FAM163A: variants seen among roughly 807,000 people sequenced by gnomAD.
FAM163A encodes the protein family with sequence similarity 163 member A.
Under a neutral mutation model 12.0 loss-of-function variants are expected in FAM163A, and 7 were observed. That is an observed-to-expected ratio of 0.58 (90% confidence interval 0.33 to 1.10). FAM163A has a LOEUF of 1.10. Ranked by LOEUF, FAM163A falls within the 50% of genes least tolerant of loss-of-function variation. The probability of loss-of-function intolerance (pLI) is 0.03; values close to 1 mark genes in which losing one functional copy is unlikely to be tolerated. For missense variants in FAM163A, 202 were observed against 218.6 expected, an observed-to-expected ratio of 0.92 and a Z score of 0.48; for synonymous variants, 101 against 91.0, an observed-to-expected ratio of 1.11 and a Z score of -0.62.
chr1:179,776,441 A>C (rs1390456843), intron 1 of FAM163A, among the ~76,000 whole-genome samples: 1 of 151,194 alleles, frequency 6.6e-6, no homozygotes, highest in Non-Finnish European at 1.5e-5. Context: ...CAGTGAGCCG[A>C]GATCACACCA....
At position 179,813,781 on chromosome 1, in the gene FAM163A, T is replaced by G; in HGVS notation, c.96T>G (p.Tyr32Ter). Residue 32 changes from tyrosine to a stop codon, truncating the protein, a stop_gained and splice_region_variant, in exon 5 of 5, where the codon TAT (tyrosine) becomes TAG (stop). Coordinates refer to ENST00000341785, the MANE Select transcript of FAM163A (RefSeq NM_173509.3). LOFTEE classifies it high-confidence loss of function. ...IAVLCYCRLQYYCCKKSGTEV... is the reference protein window; with the variant it reads ...IAVLCYCRLQ ...CATCCCTCTGCCCTTCCGCACAGTA[T>G]TACTGCTGCAAGAAGAGCGGAACCG... The G allele has an allele frequency of 6.2e-7, 1 of 1,613,818 alleles. No homozygotes were observed. Among genetic ancestry groups the G allele is most frequent in the South Asian group, 1.1e-5 (1 of 91,084 alleles).
the FAM163A span, among the ~76,000 whole-genome samples, chr1:179,733,449 G>A: frequency 6.6e-6 from 1 of 152,082 alleles, no homozygotes; most frequent in Non-Finnish European, 1.5e-5. Context: ...ACTTGTATTA[G>A]GGAGACCAGG....
Position 179,743,327 on chromosome 1 carries a change from G to A in FAM163A, c.-232G>A, listed in dbSNP as rs1683904304. ...CGCCGGGGAGGCCGCGGAGCCTCACGTGTGCCGCCCCAGCCGCTGGCGCCC... is the reference window on the plus strand; with the variant it reads ...CGCCGGGGAGGCCGCGGAGCCTCACATGTGCCGCCCCAGCCGCTGGCGCCC... On this transcript the variant is annotated 5_prime_UTR_variant, in exon 1 of 5. In the 5' UTR this introduces an upstream ATG that the reference lacks. Transcript: ENST00000341785. The A allele has an allele frequency of 6.6e-6, 1 of 152,280 alleles. No individual in the cohort carries two copies. The allele number at this position is 152,280 out of a possible 1,614,324, so 9.4% of individuals were successfully genotyped here. A position where few individuals can be genotyped will look rare whatever the true frequency, so the allele number is the denominator to read the frequency against.
At chr1:179,733,675 T>C in the FAM163A span, among the ~76,000 whole-genome samples, 1 of 152,194 alleles carries the variant, frequency 6.6e-6, no homozygotes, top group Admixed American at 6.5e-5. Flanking sequence ...TCTGTGCTCC[T>C]GTATCCACAC....
intron 1 of FAM163A, among the ~76,000 whole-genome samples, chr1:179,743,873 G>T (rs1684028692): frequency 1.3e-5 from 2 of 152,248 alleles, no homozygotes; most frequent in East Asian, 3.9e-4. Flanking sequence ...GGACGCCGCT[G>T]CTGCTGCTGC....
At chr1:179,731,874 C>A in the FAM163A span, among the ~76,000 whole-genome samples, 1 of 152,152 alleles carries the variant, frequency 6.6e-6, no homozygotes. Flanking sequence ...TCCTTGAAAG[C>A]AAAGTGAGAC....
At chr1:179,777,951 G>A (rs987921296) in intron 1 of FAM163A, among the ~76,000 whole-genome samples, 3 of 152,118 alleles carry the variant, frequency 2.0e-5, no homozygotes, top group African/African-American at 7.2e-5. Context: ...TCCTCCCTGC[G>A]ATCTTCATTC....
chr1:179,788,065 T>C (rs1039973773), intron 1 of FAM163A, among the ~76,000 whole-genome samples: 1 of 152,198 alleles, frequency 6.6e-6, no homozygotes. Flanking sequence ...ATATGAGTGA[T>C]GTGTTTTTCA....
intron 1 of FAM163A, among the ~76,000 whole-genome samples, chr1:179,781,892 C>T (rs903356858): frequency 4.1e-5 from 6 of 147,542 alleles, no homozygotes; most frequent in African/African-American, 1.3e-4. Flanking sequence ...CAAGATCGTG[C>T]TGCTGCACTC....
At chr1:179,799,211 G>A (rs919719534) in intron 1 of FAM163A, among the ~76,000 whole-genome samples, 10 of 152,130 alleles carry the variant, frequency 6.6e-5, no homozygotes, top group East Asian at 3.8e-4. Context: ...GCACTGAGCT[G>A]CAGGCCTGCT....
chr1:179,739,348 G>T (rs772968120), upstream of FAM163A, among the ~76,000 whole-genome samples: 31 of 152,190 alleles, frequency 2.0e-4, no homozygotes, highest in Non-Finnish European at 4.0e-4. Context: ...TCTCTACAAA[G>T]TGCATGTAAA....
chr1:179,810,415 C>A (rs1694549849), intron 2 of FAM163A, among the ~76,000 whole-genome samples: 1 of 152,228 alleles, frequency 6.6e-6, no homozygotes, highest in Non-Finnish European at 1.5e-5. Context: ...CAAGAGAGTT[C>A]ATCTGGATTC....
At chr1:179,806,554 G>A (rs1227478397) in intron 1 of FAM163A, among the ~76,000 whole-genome samples, 2 of 152,252 alleles carry the variant, frequency 1.3e-5, no homozygotes, top group African/African-American at 4.8e-5. Flanking sequence ...TCATGCTAAT[G>A]TCTGTCCTTT....
chr1:179,805,587 C>T (rs945253754), intron 1 of FAM163A, among the ~76,000 whole-genome samples: 1 of 151,740 alleles, frequency 6.6e-6, no homozygotes, highest in Non-Finnish European at 1.5e-5. Flanking sequence ...AGTAATGAAA[C>T]GCTCTTACTC....
intron 1 of FAM163A, among the ~76,000 whole-genome samples, chr1:179,780,842 TA>T (rs1469294693): frequency 6.6e-6 from 1 of 152,240 alleles, no homozygotes; most frequent in African/African-American, 2.4e-5. Context: ...TTACATCAGC[TA>T]GACCAGAGCT....
intron 3 of FAM163A, 83 bp from the exon 4 acceptor site, chr1:179,812,993 G>A (rs1286983789): frequency 1.5e-6 from 2 of 1,322,796 alleles, no homozygotes; most frequent in Non-Finnish European, 2.1e-6. Context: ...CCCCAGCCTC[G>A]GGGCAGTTCC....
chr1:179,779,340 A>C (rs1471442607), intron 1 of FAM163A, among the ~76,000 whole-genome samples: 1 of 152,146 alleles, frequency 6.6e-6, no homozygotes, highest in African/African-American at 2.4e-5. Context: ...GGGGGATATG[A>C]ATGAAGCAGG....
chr1:179,744,353 G>A (rs2147940962), intron 1 of FAM163A, among the ~76,000 whole-genome samples: 1 of 152,182 alleles, frequency 6.6e-6, no homozygotes, highest in East Asian at 2.0e-4. Flanking sequence ...GAGCAGAGCG[G>A]GCAAGCAGAA....
At chr1:179,793,705 T>A (rs1392281149) in intron 1 of FAM163A, among the ~76,000 whole-genome samples, 2 of 152,154 alleles carry the variant, frequency 1.3e-5, no homozygotes, top group Non-Finnish European at 2.9e-5. Context: ...TCCATGATTG[T>A]GAATTAAAAG....
Sources: gnomAD v4.1 joint callset for allele counts (sites outside exome capture counted in the v4.1 genomes callset) on GRCh38, gnomAD v4.1.1 for gene constraint, MANE v1.5 for transcripts, NCBI Gene and HGNC (gene_info 2026-07-23, HGNC 2026-07-21) for gene names.